DGKI: variants seen among roughly 807,000 people sequenced by gnomAD.
DGKI encodes DAG kinase iota.
A neutral mutation model predicts 147.5 loss-of-function variants in DGKI; 55 were observed. That is an observed-to-expected ratio of 0.37 (90% confidence interval 0.30 to 0.47). The LOEUF is 0.47. DGKI is among the 20% of genes least tolerant of loss of function. The pLI is 1.00. For synonymous variants in DGKI, 469 were observed against 477.1 expected, an observed-to-expected ratio of 0.98 and a Z score of 0.22; for missense variants, 1,007 against 1,323.8, an observed-to-expected ratio of 0.76 and a Z score of 3.71.
chr7:137,431,248 CTTT>C lies in DGKI; in HGVS notation c.2761+12826_2761+12828del, dbSNP rs5887839. 4.1e-5 allele frequency among the ~76,000 whole-genome samples: 6 copies of C among 146,040 alleles called. No individual in the cohort carries two copies. The South Asian group carries it at 1.1e-3, about 27-fold the overall frequency. ...ACTTTCTTGCAATCTTATAAAATACCTTTTTTTTTTTTTTCTCAATGGCTGAAA... is the reference window on the plus strand; with the variant it reads ...ACTTTCTTGCAATCTTATAAAATACCTTTTTTTTTTTCTCAATGGCTGAAA... On this transcript the variant is annotated intron_variant, in intron 28 of 32. Coordinates refer to ENST00000614521, the MANE Select transcript of DGKI (RefSeq NM_001321708.2).
chr7:137,595,613 A>C lies in DGKI; in HGVS notation c.1311+2234T>G, dbSNP rs187035626. Among the ~76,000 whole-genome samples the C allele has an allele frequency of 6.1e-4, 93 of 152,130 alleles. 1 individual carries two copies. Among genetic ancestry groups the C allele is most frequent in the Non-Finnish European group, 1.1e-3 (74 of 68,010 alleles). On this transcript the variant is annotated intron_variant, in intron 12 of 32. Coordinates refer to ENST00000614521, the MANE Select transcript of DGKI (RefSeq NM_001321708.2). The stretch of plus-strand genomic sequence containing the variant: ...TCTCTTTCCTCTTTATCTTTTATTC[A>C]TTGGAATCCCATACTTTCAAATATT...
At chr7:137,782,332 C>T (rs747242046) in intron 1 of DGKI, among the ~76,000 whole-genome samples, 27 of 152,064 alleles carry the variant, frequency 1.8e-4, no homozygotes, top group Non-Finnish European at 3.2e-4. Flanking sequence ...CCGCTTTCCC[C>T]CACATCCCTG....
At chr7:137,656,333 G>T in intron 4 of DGKI, 133 bp downstream of exon 4, 1 of 859,394 alleles carries the variant, frequency 1.2e-6, no homozygotes, top group Non-Finnish European at 1.9e-6. Flanking sequence ...TAGTAATCTG[G>T]TAATAATGTT....
chr7:137,736,947 A>G (rs1414146352), intron 1 of DGKI, among the ~76,000 whole-genome samples: 1 of 152,070 alleles, frequency 6.6e-6, no homozygotes, highest in African/African-American at 2.4e-5. Context: ...TTTAAATAAT[A>G]ATCTTTGTTA....
chr7:137,804,333 C>A (rs1797300342), intron 1 of DGKI, among the ~76,000 whole-genome samples: 1 of 152,156 alleles, frequency 6.6e-6, no homozygotes, highest in Non-Finnish European at 1.5e-5. Flanking sequence ...TACAAGAAAG[C>A]ACTCAGAACA....
At chr7:137,669,637 A>C (rs1021946103) in intron 3 of DGKI, among the ~76,000 whole-genome samples, 3 of 152,244 alleles carry the variant, frequency 2.0e-5, no homozygotes, top group African/African-American at 7.2e-5. Context: ...CATGACAGAA[A>C]AGATGACAAT....
chr7:137,517,312 AAAGAAAG>A (rs1367642054), intron 21 of DGKI, among the ~76,000 whole-genome samples: 19 of 137,642 alleles, frequency 1.4e-4, no homozygotes, highest in Non-Finnish European at 1.5e-5. Context: ...AGAAAGAAAG[AAAGAAAG>A]AAAGAAAGAA....
At position 137,581,904 on chromosome 7, in the gene DGKI, A is replaced by G; in HGVS notation, c.1588T>C (p.Tyr530His). ...TGGGCATCAAATCCAAGGCTGAAGT[A>G]GTTATTGAAAACATTCAGAGGGAGC... ...CKLPLNVFNNYFSLGFDAHVT... is the reference protein window; with the variant it reads ...CKLPLNVFNNHFSLGFDAHVT... The change falls in exon 15 of 33, where the codon TAC becomes CAC. Residue 530 changes from tyrosine (Y) to histidine (H), a missense_variant. Tyr to His is a moderately conservative substitution (Grantham distance 83). Around this residue, in one of 5 missense-constraint regions of DGKI, gnomAD observed 224 missense variants for 382.7 expected, o/e 0.59. Transcript: ENST00000614521. 1 of 1,613,550 alleles carries G rather than the reference A, an allele frequency of 6.2e-7. No homozygotes were observed. The highest frequency in any genetic ancestry group is 8.5e-7 in the Non-Finnish European group (1 of 1,179,532).
chr7:137,436,189 A>T (rs1389202714), intron 28 of DGKI, among the ~76,000 whole-genome samples: 1 of 152,054 alleles, frequency 6.6e-6, no homozygotes, highest in African/African-American at 2.4e-5. Flanking sequence ...TCTACTATTT[A>T]AAAAAATGAA....
intron 21 of DGKI, among the ~76,000 whole-genome samples, chr7:137,511,008 G>A (rs550655707): frequency 1.3e-5 from 2 of 152,258 alleles, no homozygotes; most frequent in East Asian, 3.9e-4. Flanking sequence ...AAACCCACTC[G>A]GTACTGAGAA....
chr7:137,553,013 C>T (rs1228270398), intron 19 of DGKI, among the ~76,000 whole-genome samples: 1 of 152,160 alleles, frequency 6.6e-6, no homozygotes, highest in African/African-American at 2.4e-5. Context: ...AATTAACCAC[C>T]ACCATAGTAG....
chr7:137,493,649 A>T, intron 21 of DGKI: 1 of 675,778 alleles, frequency 1.5e-6, no homozygotes, highest in Non-Finnish European at 2.6e-6. Context: ...ACCAAAGAAA[A>T]TGAAAGCAAA....
At chr7:137,687,877 T>C (rs1585372160) in intron 2 of DGKI, among the ~76,000 whole-genome samples, 1 of 152,024 alleles carries the variant, frequency 6.6e-6, no homozygotes, top group South Asian at 2.1e-4. Flanking sequence ...GTACCTAAAA[T>C]CAAAGAAAAG....
chr7:137,513,978 C>G lies in DGKI; in HGVS notation c.2248+7888G>C, dbSNP rs1187352705. Reference sequence around the variant, plus strand: ...ACCGTGGAGGCCACAGGAGCAGAAACATGGAATGCCAGACGCTGGGGATGC... The same window carrying G: ...ACCGTGGAGGCCACAGGAGCAGAAAGATGGAATGCCAGACGCTGGGGATGC... On this transcript the variant is annotated intron_variant, in intron 21 of 32. Transcript: ENST00000614521. 3 of 688,100 alleles carry G rather than the reference C, an allele frequency of 4.4e-6. No homozygotes were observed. The African/African-American group carries it at 5.3e-5, about 12-fold the overall frequency. 42.6% of individuals were successfully genotyped at this position (688,100 alleles called of 1,614,324 possible).
At position 137,585,323 on chromosome 7, in the gene DGKI, A is replaced by G. The variant is rs1208462129; in HGVS notation, c.1449T>C (p.Ser483=). Reference sequence around the variant, plus strand: ...CATCTTCCACTTGACACAGGATCTTAGAAACAGGTTCATCAGTGTAGCCCT... The same window carrying G: ...CATCTTCCACTTGACACAGGATCTTGGAAACAGGTTCATCAGTGTAGCCCT... The part of the protein sequence containing the change: ...WGGGYTDEPV[S]KILCQVEDGT... Residue 483 remains serine (S), a synonymous_variant, in exon 14 of 33, where the codon TCT becomes TCC. Transcript: ENST00000614521. 3 of 1,614,194 alleles carry G rather than the reference A, an allele frequency of 1.9e-6. No individual in the cohort carries two copies. The highest frequency in any genetic ancestry group is 2.5e-6 in the Non-Finnish European group (3 of 1,180,010).
chr7:137,514,212 C>T (rs894062290), intron 21 of DGKI, among the ~76,000 whole-genome samples: 1 of 152,074 alleles, frequency 6.6e-6, no homozygotes, highest in African/African-American at 2.4e-5. Flanking sequence ...AATAAATCAC[C>T]TCTTCCGCGG....
intron 21 of DGKI, among the ~76,000 whole-genome samples, chr7:137,500,329 C>T (rs562896163): frequency 1.3e-5 from 2 of 152,126 alleles, no homozygotes; most frequent in South Asian, 2.1e-4. Context: ...ATACATTTTA[C>T]GTGTGCATGC....
At chr7:137,832,767 G>C (rs1798256009) in intron 1 of DGKI, among the ~76,000 whole-genome samples, 1 of 152,174 alleles carries the variant, frequency 6.6e-6, no homozygotes. Context: ...GCATCGTCAG[G>C]CTGCAAATTT....
intron 20 of DGKI, chr7:137,546,066 G>A: frequency 1.7e-6 from 1 of 597,160 alleles, no homozygotes; most frequent in Non-Finnish European, 3.1e-6. Context: ...AATTTAAACA[G>A]AAATTAAATG....
Sources: allele counts gnomAD v4.1 joint callset (sites outside exome capture counted in the v4.1 genomes callset), GRCh38; gene constraint gnomAD v4.1.1; regional missense constraint gnomAD v4.1.1; transcripts MANE v1.5; gene names NCBI Gene and HGNC (gene_info 2026-07-23, HGNC 2026-07-21).